Variants in RNFT2 observed in about 807,000 individuals in gnomAD.
RNFT2 encodes the protein E3 ubiquitin-protein ligase RNFT2.
In RNFT2, 36 loss-of-function variants were observed where a neutral mutation model predicts 53.0. The observed-to-expected ratio is 0.68, with a 90% CI of 0.52 to 0.90. The LOEUF is 0.90. Ranked by LOEUF, RNFT2 falls within the 40% of genes least tolerant of loss-of-function variation. RNFT2 has a pLI of 0.00. For synonymous variants in RNFT2, 260 were observed against 253.2 expected, an observed-to-expected ratio of 1.03 and a Z score of -0.26; for missense variants, 514 against 585.6, an observed-to-expected ratio of 0.88 and a Z score of 1.26.
chr12:116,851,754 AG>A lies in RNFT2; in HGVS notation c.*2307del. On this transcript the variant is annotated 3_prime_UTR_variant, in exon 11 of 11. Transcript: ENST00000257575. The stretch of plus-strand genomic sequence containing the variant: ...AGTGAGACTCTGTCTAAAAAAAAAA[AG>A]AAAGAAAGAAGGGAGGGAGGGAGGA... 4.0e-6 allele frequency: 3 copies of A among 742,886 alleles called. No homozygotes were observed. Among genetic ancestry groups the A allele is most frequent in the South Asian group, 3.0e-5 (2 of 66,838 alleles). 46.0% of individuals were successfully genotyped at this position (742,886 alleles called of 1,614,324 possible). A position where few individuals can be genotyped will look rare whatever the true frequency, so the allele number is the denominator to read the frequency against.
chr12:116,830,767 G>A (rs757352417), intron 7 of RNFT2, among the ~76,000 whole-genome samples: 12 of 151,900 alleles, frequency 7.9e-5, no homozygotes, highest in Admixed American at 1.3e-4. Flanking sequence ...AAAATTAGCC[G>A]GGCATGGTGG....
At chr12:116,796,812 G>T (rs926698289) in intron 7 of RNFT2, among the ~76,000 whole-genome samples, 2 of 152,146 alleles carry the variant, frequency 1.3e-5, no homozygotes, top group South Asian at 4.1e-4. Flanking sequence ...AACATTCTGT[G>T]TGTAAAGACA....
At chr12:116,786,095 C>T (rs947289162) in intron 7 of RNFT2, among the ~76,000 whole-genome samples, 3 of 150,624 alleles carry the variant, frequency 2.0e-5, no homozygotes, top group Non-Finnish European at 4.4e-5. Context: ...ATGGATGAGG[C>T]GATGGAGGTT....
At chr12:116,778,165 G>T (rs185646064) in intron 6 of RNFT2, among the ~76,000 whole-genome samples, 1 of 150,484 alleles carries the variant, frequency 6.6e-6, no homozygotes, top group African/African-American at 2.5e-5. Flanking sequence ...GCCTCCTCTC[G>T]TAAAGCCTGT....
intron 5 of RNFT2, among the ~76,000 whole-genome samples, chr12:116,761,609 G>T (rs12322695): frequency 0.063 from 9,604 of 152,208 alleles, 825 homozygotes; most frequent in African/African-American, 0.19. Flanking sequence ...ATCTCAGCAG[G>T]TTCATCCCAG....
chr12:116,763,561 G>A (rs1872775117), intron 5 of RNFT2, among the ~76,000 whole-genome samples: 1 of 151,248 alleles, frequency 6.6e-6, no homozygotes, highest in South Asian at 2.1e-4. Context: ...AAGGTCAGGA[G>A]ATCGAGACCA....
chr12:116,849,326 G>A lies in RNFT2; in HGVS notation c.1213G>A (p.Glu405Lys). 1 of 1,540,948 alleles carries A rather than the reference G, an allele frequency of 6.5e-7. No homozygotes were observed. The highest frequency in any genetic ancestry group is 8.7e-7 in the Non-Finnish European group (1 of 1,146,324). Residue 405 changes from glutamate (E) to lysine (K), a missense_variant, in exon 11 of 11, where the codon GAG (glutamate) becomes AAG (lysine). Glu to Lys is a moderately conservative substitution (Grantham distance 56). This residue lies in a region of RNFT2 where 273 missense variants were observed against 334.4 expected (regional missense o/e 0.82). Coordinates refer to ENST00000257575, the MANE Select transcript of RNFT2 (RefSeq NM_001382266.1). ...GCTGTCCCCGCAGCACGTGTTCTGT[G>A]AGGAGTGCCTCTGCCTGTGGCTGGA... is the stretch of plus-strand genomic sequence containing the variant. The part of the protein sequence containing the change: ...LILLCQHVFC[E>K]ECLCLWLDRE...
At chr12:116,755,676 C>G in intron 5 of RNFT2, 1 of 1,477,422 alleles carries the variant, frequency 6.8e-7, no homozygotes, top group Non-Finnish European at 9.4e-7. Flanking sequence ...TGCTGGGTAA[C>G]ATTGTAGACT....
chr12:116,846,086 A>G (rs1485853001), intron 10 of RNFT2, among the ~76,000 whole-genome samples: 3 of 152,190 alleles, frequency 2.0e-5, no homozygotes, highest in African/African-American at 7.2e-5. Flanking sequence ...AGCACTGTCT[A>G]CAATTAGGCA....
chr12:116,813,684 A>G (rs1476423553), intron 7 of RNFT2, among the ~76,000 whole-genome samples: 1 of 152,254 alleles, frequency 6.6e-6, no homozygotes, highest in Non-Finnish European at 1.5e-5. Flanking sequence ...TGCATGGTAC[A>G]TAGCAGGTAC....
chr12:116,768,738 T>C lies in RNFT2; in HGVS notation c.728+1824T>C, dbSNP rs535262061. 3.4e-3 allele frequency among the ~76,000 whole-genome samples: 452 copies of C among 132,702 alleles called. 3 individuals carry two copies. The highest frequency in any genetic ancestry group is 0.014 in the South Asian group (55 of 4,072). The allele number at this position is 132,702 out of a possible 152,430, so 87.1% of individuals were successfully genotyped here. ...ATTTTTTTTTTATTTTTCTCTCTCT[T>C]TTTTTTTTTTGAAACGAGTTTTGCC... On this transcript the variant is annotated intron_variant, in intron 6 of 10. Transcript: ENST00000257575.
chr12:116,817,082 A>G (rs1000120352), intron 7 of RNFT2, among the ~76,000 whole-genome samples: 1 of 152,132 alleles, frequency 6.6e-6, no homozygotes, highest in African/African-American at 2.4e-5. Flanking sequence ...GTGCGATCGC[A>G]GCTCACCGCA....
intron 6 of RNFT2, among the ~76,000 whole-genome samples, chr12:116,770,218 A>C (rs563624570): frequency 6.6e-6 from 1 of 152,102 alleles, no homozygotes; most frequent in African/African-American, 2.4e-5. Flanking sequence ...ATCTTTTTTC[A>C]TCCTTTATAC....
Position 116,851,931 on chromosome 12 carries a change from A to T in RNFT2, c.*2483A>T, listed in dbSNP as rs780338462. 1.3e-6 allele frequency: 2 copies of T among 1,533,478 alleles called. No homozygotes were observed. Among genetic ancestry groups the T allele is most frequent in the South Asian group, 1.2e-5 (1 of 83,266 alleles). The allele number at this position is 1,533,478 out of a possible 1,614,324, so 95.0% of individuals were successfully genotyped here. A position where few individuals can be genotyped will look rare whatever the true frequency, so the allele number is the denominator to read the frequency against. Reference sequence around the variant, plus strand: ...GTCAGCAGCTCCTGTGGACATTGCCATCCCCTCTGGTAGCCTTCAGAGCAA... The same window carrying T: ...GTCAGCAGCTCCTGTGGACATTGCCTTCCCCTCTGGTAGCCTTCAGAGCAA... On this transcript the variant is annotated 3_prime_UTR_variant, in exon 11 of 11. Transcript: ENST00000257575.
intron 6 of RNFT2, among the ~76,000 whole-genome samples, chr12:116,770,692 G>A (rs1873133001): frequency 6.6e-6 from 1 of 151,738 alleles, no homozygotes; most frequent in African/African-American, 2.4e-5. Context: ...CAAGTAGCTG[G>A]GACTTCAGGC....
At chr12:116,841,974 GAGAGAGA>G (rs1565876321) in intron 10 of RNFT2, among the ~76,000 whole-genome samples, 3 of 134,372 alleles carry the variant, frequency 2.2e-5, no homozygotes, top group African/African-American at 8.5e-5. Flanking sequence ...GAGAGAGAGA[GAGAGAGA>G]GAGAGGGAGG....
At chr12:116,771,548 T>G (rs1873196106) in intron 6 of RNFT2, among the ~76,000 whole-genome samples, 1 of 151,264 alleles carries the variant, frequency 6.6e-6, no homozygotes, top group South Asian at 2.1e-4. Context: ...TATTTTATAA[T>G]TTTTTTGTAA....
At position 116,740,374 on chromosome 12, in the gene RNFT2, T is replaced by C. The variant is rs1243992989; in HGVS notation, c.-124T>C. 7.7e-6 allele frequency: 7 copies of C among 908,352 alleles called. No individual in the cohort carries two copies. The highest frequency in any genetic ancestry group is 1.7e-5 in the African/African-American group (1 of 60,550). The allele number at this position is 908,352 out of a possible 1,614,324, so 56.3% of individuals were successfully genotyped here. A position where few individuals can be genotyped will look rare whatever the true frequency, so the allele number is the denominator to read the frequency against. ...GGAGTCTCTGGCAAGCTCCCCTGAC[T>C]GTGCATCCCTCTGGAGACGAAGAGG... On this transcript the variant is annotated 5_prime_UTR_variant, in exon 2 of 11. Transcript: ENST00000257575.
intron 7 of RNFT2, among the ~76,000 whole-genome samples, chr12:116,797,439 A>C (rs1874555042): frequency 6.6e-6 from 1 of 152,100 alleles, no homozygotes; most frequent in African/African-American, 2.4e-5. Context: ...GTGTGCCTGT[A>C]ATCCCAGTAC....
Sources: gnomAD v4.1 joint callset for allele counts (sites outside exome capture counted in the v4.1 genomes callset) on GRCh38, gnomAD v4.1.1 for gene constraint, gnomAD v4.1.1 regional missense constraint, MANE v1.5 for transcripts, NCBI Gene and HGNC (gene_info 2026-07-23, HGNC 2026-07-21) for gene names.